NLRP2: variants seen among roughly 807,000 people sequenced by gnomAD.
The protein encoded by NLRP2 is NLR family pyrin domain containing 2.
In NLRP2, 107 loss-of-function variants were observed where a neutral mutation model predicts 97.2. The observed-to-expected ratio is 1.10, with a 90% confidence interval of 0.94 to 1.29. The LOEUF is 1.29. Ranked by LOEUF, NLRP2 falls within the 50% of genes most tolerant of loss-of-function variation. NLRP2 has a pLI of 0.00. For missense variants in NLRP2, 1,495 were observed against 1,330.3 expected, an observed-to-expected ratio of 1.12 and a Z score of -1.93; for synonymous variants, 663 against 551.5, an observed-to-expected ratio of 1.20 and a Z score of -2.83.
rs766608991 is a variant in NLRP2 at position 54,994,397 on chromosome 19, G to T, written c.2837G>T (p.Cys946Phe). ...GGAGTTAAGGGAATGAAGTTCCTGT[G>T]TGAGGCTTTGAGGAAACCACTGTGC... ...HIGVKGMKFL[C>F]EALRKPLCNL... Residue 946 changes from cysteine to phenylalanine, a missense_variant, in exon 11 of 13, where the codon TGT becomes TTT. By Grantham distance (205) the Cys-to-Phe change is radical (BLOSUM62 -2). Coordinates refer to ENST00000448584, the MANE Select transcript of NLRP2 (RefSeq NM_017852.5). 8 of 1,613,586 alleles carry T rather than the reference G, an allele frequency of 5.0e-6. No homozygotes were observed. Among genetic ancestry groups the T allele is most frequent in the Non-Finnish European group, 3.4e-6 (4 of 1,180,032 alleles).
chr19:54,969,365 C>G (rs1289719873), intron 1 of NLRP2, among the ~76,000 whole-genome samples: 1 of 151,368 alleles, frequency 6.6e-6, no homozygotes, highest in Non-Finnish European at 1.5e-5. Flanking sequence ...GTAATCCCAG[C>G]TACTTGGGAG....
At position 54,990,529 on chromosome 19, in the gene NLRP2, C is replaced by T; in HGVS notation, c.2565C>T (p.Ala855=). Residue 855 remains alanine, a synonymous_variant, in exon 10 of 13, where the codon GCC becomes GCT. Coordinates refer to ENST00000448584, the MANE Select transcript of NLRP2 (RefSeq NM_017852.5). ...LSLENCHLTE[A]NCKDLAAVLV... is the part of the protein sequence containing the mutation. ...TGGAAAACTGTCACCTTACAGAAGC[C>T]AATTGCAAGGACCTTGCTGCTGTGT... is the stretch of plus-strand genomic sequence containing the variant. 1.2e-6 allele frequency: 2 copies of T among 1,614,140 alleles called. No homozygotes were observed. Among genetic ancestry groups the T allele is most frequent in the East Asian group, 2.2e-5 (1 of 44,878 alleles).
chr19:54,991,815 A>G (rs78462574), intron 10 of NLRP2, among the ~76,000 whole-genome samples: 2,064 of 147,410 alleles, frequency 0.014, 52 homozygotes, highest in African/African-American at 0.048. Flanking sequence ...GTGAGCCGAG[A>G]TCGTGCCAGC....
chr19:54,974,254 T>C, intron 2 of NLRP2: 1 of 590,572 alleles, frequency 1.7e-6, no homozygotes, highest in Non-Finnish European at 3.0e-6. Context: ...CTCAGGAAGC[T>C]GAGGCAGGAG....
At chr19:54,984,337 T>G (rs867431058) in intron 6 of NLRP2, among the ~76,000 whole-genome samples, 27 of 115,414 alleles carry the variant, frequency 2.3e-4, no homozygotes, top group Non-Finnish European at 4.0e-4. Flanking sequence ...GTGTTTTTTT[T>G]TTTTTTTTTT....
chr19:54,975,106 G>GGTTTTTTTTTTTT (rs2071119955), intron 3 of NLRP2, among the ~76,000 whole-genome samples: 1 of 58,674 alleles, frequency 1.7e-5, no homozygotes, highest in Non-Finnish European at 3.5e-5. Flanking sequence ...ACCCGGTTTT[G>GGTTTTTTTTTTTT]TTTTTTTTTT....
Position 54,986,138 on chromosome 19 carries a change from C to T in NLRP2, c.2202-13C>T, listed in dbSNP as rs71367132. On this transcript the variant is annotated splice_polypyrimidine_tract_variant and intron_variant, in intron 7 of 12. Coordinates refer to ENST00000448584, the MANE Select transcript of NLRP2 (RefSeq NM_017852.5). ...ACACACTAAAGATTTCACTTTCGTT[C>T]TCTTTTCCCTAGGTTCAAAAACATT... is the stretch of plus-strand genomic sequence containing the variant. 373,638 of 1,598,586 alleles carry T rather than the reference C, an allele frequency of 0.23. 48,040 individuals are homozygous for T. Among genetic ancestry groups the T allele is most frequent in the Non-Finnish European group, 0.27 (311,062 of 1,165,988 alleles).
At chr19:54,975,686 T>C (rs1032204520) in intron 3 of NLRP2, among the ~76,000 whole-genome samples, 1 of 151,924 alleles carries the variant, frequency 6.6e-6, no homozygotes, top group African/African-American at 2.4e-5. Flanking sequence ...TCTCCTGACC[T>C]TGTGATCCGC....
intron 7 of NLRP2, 66 bp downstream of exon 7, chr19:54,985,283 G>A: frequency 6.8e-7 from 1 of 1,474,730 alleles, no homozygotes; most frequent in Non-Finnish European, 9.5e-7. Flanking sequence ...GTTAACATCG[G>A]AGCAATATTC....
intron 2 of NLRP2, chr19:54,973,718 A>G: frequency 2.4e-6 from 1 of 420,214 alleles, no homozygotes. Flanking sequence ...ACAAGTTTGA[A>G]AACGGCAGGA....
rs1478624573 is a variant in NLRP2, at chr19:54,990,000, CGTG to C, written c.2367-19_2367-17del. The C allele has an allele frequency of 4.4e-6, 7 of 1,601,558 alleles. No individual in the cohort carries two copies. The highest frequency in any genetic ancestry group is 1.4e-5 in the African/African-American group (1 of 73,936). ...AGTCTCAAAAAAAAAAAAAAAATGACGTGGTCCTATTTCTCCCACAGGTTGGTG... is the reference window on the plus strand; with the variant it reads ...AGTCTCAAAAAAAAAAAAAAAATGACGTCCTATTTCTCCCACAGGTTGGTG... On this transcript the variant is annotated intron_variant, in intron 8 of 12. Transcript: ENST00000448584.
chr19:54,972,779 A>C (rs147673620), intron 2 of NLRP2, among the ~76,000 whole-genome samples: 172 of 152,214 alleles, frequency 1.1e-3, no homozygotes, highest in African/African-American at 4.1e-3. Context: ...TATTTACAGT[A>C]ACCAAGATAT....
At chr19:54,975,106 GTTTTTTTTTT>G (rs558518586) in intron 3 of NLRP2, among the ~76,000 whole-genome samples, 1,123 of 58,698 alleles carry the variant, frequency 0.019, 87 homozygotes, top group African/African-American at 0.056. Flanking sequence ...ACCCGGTTTT[GTTTTTTTTTT>G]TTTTTTTTTT....
chr19:54,990,569 G>C lies in NLRP2; in HGVS notation c.2605G>C (p.Glu869Gln), dbSNP rs1202345960. 9.3e-6 allele frequency: 15 copies of C among 1,614,088 alleles called. No individual in the cohort carries two copies. The highest frequency in any genetic ancestry group is 1.3e-5 in the Non-Finnish European group (15 of 1,179,954). The change falls in exon 10 of 13, where the codon GAG (glutamate) becomes CAG (glutamine). Residue 869 changes from glutamate (E) to glutamine (Q), a missense_variant. Transcript: ENST00000448584. Reference sequence around the variant, plus strand: ...TGCTGCTGTGTTGGTTGTCAGCCGGGAGCTGACACACCTGTGCTTGGCCAA... The same window carrying C: ...TGCTGCTGTGTTGGTTGTCAGCCGGCAGCTGACACACCTGTGCTTGGCCAA... ...DLAAVLVVSR[E>Q]LTHLCLAKNP...
intron 1 of NLRP2, among the ~76,000 whole-genome samples, chr19:54,968,160 C>A (rs2070597083): frequency 6.6e-6 from 1 of 151,964 alleles, no homozygotes; most frequent in African/African-American, 2.4e-5. Context: ...TCAGGTGATC[C>A]TCCCACCTTG....
chr19:54,978,435 A>T (rs915472884), intron 4 of NLRP2, among the ~76,000 whole-genome samples: 1 of 151,862 alleles, frequency 6.6e-6, no homozygotes, highest in Admixed American at 6.6e-5. Flanking sequence ...GACAGGTTTC[A>T]CCATCTCATT....
In NLRP2 at chr19:54,982,579, G is replaced by C; in HGVS notation, c.881G>C (p.Gly294Ala). The change falls in exon 6 of 13, where the codon GGA becomes GCA. Residue 294 changes from glycine (G) to alanine (A), a missense_variant. Coordinates refer to ENST00000448584, the MANE Select transcript of NLRP2 (RefSeq NM_017852.5). Reference protein sequence around the residue: ...LFVIDGFDELGAAPGALIEDI... With the variant: ...LFVIDGFDELAAAPGALIEDI... ...GTGATTGACGGCTTTGATGAGCTGG[G>C]AGCCGCACCTGGGGCGCTGATCGAG... The C allele has an allele frequency of 6.2e-7, 1 of 1,614,210 alleles. No individual in the cohort carries two copies. The highest frequency in any genetic ancestry group is 8.5e-7 in the Non-Finnish European group (1 of 1,180,046).
chr19:54,981,408 C>G (rs891523663), intron 4 of NLRP2, among the ~76,000 whole-genome samples: 1 of 151,932 alleles, frequency 6.6e-6, no homozygotes, highest in Non-Finnish European at 1.5e-5. Flanking sequence ...CTCAAGTGAT[C>G]CACCCCACCT....
intron 11 of NLRP2, among the ~76,000 whole-genome samples, chr19:54,996,049 A>AAC: frequency 6.7e-6 from 1 of 148,268 alleles, no homozygotes; most frequent in African/African-American, 2.5e-5. Context: ...AAAAAAAAAA[A>AAC]AAAACAAAAA....
Sources: gnomAD v4.1 joint callset for allele counts (sites outside exome capture counted in the v4.1 genomes callset) on GRCh38, gnomAD v4.1.1 for gene constraint, MANE v1.5 for transcripts, NCBI Gene and HGNC (gene_info 2026-07-23, HGNC 2026-07-21) for gene names.